The following GALNTL6 variants were observed in gnomAD, a reference collection of about 807,000 sequenced individuals.
GALNTL6 encodes polypeptide N-acetylgalactosaminyltransferase like 6, also known as polypeptide N-acetylgalactosaminyltransferase-like 6.
A neutral mutation model predicts 73.7 loss-of-function variants in GALNTL6; 46 were observed. The ratio of observed to expected loss-of-function variants is 0.62; its 90% CI spans 0.49 to 0.80. The LOEUF is 0.80. GALNTL6 is among the 30% of genes least tolerant of loss of function. The pLI is 0.00. For synonymous variants in GALNTL6, 259 were observed against 263.7 expected (o/e 0.98, Z 0.17); for missense variants, 604 against 755.0 (o/e 0.80, Z 2.34).
intron 2 of GALNTL6, among the ~76,000 whole-genome samples, chr4:171,828,049 G>T (rs1425272231): frequency 2.0e-5 from 3 of 152,052 alleles, no homozygotes; most frequent in African/African-American, 7.2e-5. Context: ...AAAGTAAAAA[G>T]ATTATCACAA....
chr4:172,852,324 A>C (rs1250342471), intron 7 of GALNTL6, among the ~76,000 whole-genome samples: 1 of 152,090 alleles, frequency 6.6e-6, no homozygotes, highest in Non-Finnish European at 1.5e-5. Context: ...GTAGCCTCAG[A>C]GTGTTCATTT....
At chr4:172,604,685 T>C (rs751978594) in intron 5 of GALNTL6, among the ~76,000 whole-genome samples, 17 of 152,240 alleles carry the variant, frequency 1.1e-4, no homozygotes, top group Admixed American at 3.9e-4. Context: ...CAGTTCTTAA[T>C]ATTTCCTAGG....
intron 5 of GALNTL6, among the ~76,000 whole-genome samples, chr4:172,717,166 C>G (rs1735157897): frequency 6.6e-6 from 1 of 151,906 alleles, no homozygotes. Context: ...CAAAATAAAG[C>G]CTTAGCCAAA....
intron 5 of GALNTL6, among the ~76,000 whole-genome samples, chr4:172,718,438 C>G (rs911319162): frequency 6.6e-6 from 1 of 151,852 alleles, no homozygotes; most frequent in Non-Finnish European, 1.5e-5. Context: ...TCAAGACCAG[C>G]GTGGGTAACA....
intron 2 of GALNTL6, among the ~76,000 whole-genome samples, chr4:171,906,724 A>G (rs527818525): frequency 6.6e-6 from 1 of 152,344 alleles, no homozygotes; most frequent in East Asian, 1.9e-4. Context: ...TCCTTGATGA[A>G]CATTGATGCA....
chr4:172,889,628 G>A (rs989472209), intron 8 of GALNTL6, among the ~76,000 whole-genome samples: 5 of 152,086 alleles, frequency 3.3e-5, no homozygotes, highest in South Asian at 2.1e-4. Context: ...GTGAATTAGC[G>A]TTTTGATGTG....
intron 2 of GALNTL6, among the ~76,000 whole-genome samples, chr4:171,825,366 A>C (rs1734795303): frequency 6.6e-6 from 1 of 152,122 alleles, no homozygotes; most frequent in Admixed American, 6.6e-5. Flanking sequence ...AAGCTGTGTA[A>C]AATTAAGTGA....
At chr4:172,349,005 T>C (rs1741849519) in intron 5 of GALNTL6, among the ~76,000 whole-genome samples, 1 of 152,214 alleles carries the variant, frequency 6.6e-6, no homozygotes, top group African/African-American at 2.4e-5. Context: ...TAAGTACATA[T>C]GAATGGTAAA....
intron 5 of GALNTL6, among the ~76,000 whole-genome samples, chr4:172,372,202 T>G (rs1742839909): frequency 6.6e-6 from 1 of 152,196 alleles, no homozygotes. Flanking sequence ...TAAGGGGACT[T>G]TGAAGAGATC....
At chr4:172,161,219 A>G (rs764354144) in intron 2 of GALNTL6, among the ~76,000 whole-genome samples, 3 of 151,972 alleles carry the variant, frequency 2.0e-5, no homozygotes, top group Non-Finnish European at 4.4e-5. Context: ...ACCACCATAG[A>G]TATTCACTAA....
chr4:172,751,097 G>A (rs1308518076), intron 5 of GALNTL6, among the ~76,000 whole-genome samples: 1 of 152,136 alleles, frequency 6.6e-6, no homozygotes, highest in Non-Finnish European at 1.5e-5. Context: ...GGCATATGTG[G>A]TTTGTGGTAC....
chr4:172,866,057 C>G, intron 7 of GALNTL6, among the ~76,000 whole-genome samples: 1 of 152,168 alleles, frequency 6.6e-6, no homozygotes, highest in East Asian at 1.9e-4. Flanking sequence ...TCTTCCCATC[C>G]TTACTGCCTT....
intron 5 of GALNTL6, among the ~76,000 whole-genome samples, chr4:172,537,035 G>A (rs1267768721): frequency 6.6e-6 from 1 of 152,138 alleles, no homozygotes; most frequent in Non-Finnish European, 1.5e-5. Context: ...TTTACCCAAT[G>A]CTTGTACCCC....
chr4:171,864,738 C>T (rs1172774641), intron 2 of GALNTL6, among the ~76,000 whole-genome samples: 2 of 152,198 alleles, frequency 1.3e-5, no homozygotes, highest in Non-Finnish European at 2.9e-5. Flanking sequence ...GGCACTTGTG[C>T]CACTTCCTCC....
At chr4:171,902,384 T>G (rs937578641) in intron 2 of GALNTL6, among the ~76,000 whole-genome samples, 13 of 152,226 alleles carry the variant, frequency 8.5e-5, no homozygotes, top group African/African-American at 2.9e-4. Context: ...GAATGCTGAT[T>G]TCATCATCTT....
At chr4:172,216,055 TAAAC>T (rs1324034945) in intron 2 of GALNTL6, among the ~76,000 whole-genome samples, 3 of 152,190 alleles carry the variant, frequency 2.0e-5, no homozygotes, top group Non-Finnish European at 2.9e-5. Flanking sequence ...AATATTACTT[TAAAC>T]AAACCATTAT....
At chr4:172,156,786 G>T (rs1358022593) in intron 2 of GALNTL6, among the ~76,000 whole-genome samples, 1 of 151,658 alleles carries the variant, frequency 6.6e-6, no homozygotes, top group Non-Finnish European at 1.5e-5. Context: ...ATGGGGTGCG[G>T]GGGAAGCCTC....
chr4:172,892,781 A>G (rs932127951), intron 8 of GALNTL6, among the ~76,000 whole-genome samples: 3 of 152,020 alleles, frequency 2.0e-5, no homozygotes, highest in African/African-American at 7.2e-5. Context: ...GCCCTTTTCA[A>G]TTATTGGTGT....
At chr4:172,572,451 A>G (rs1295057784) in intron 5 of GALNTL6, among the ~76,000 whole-genome samples, 1 of 152,218 alleles carries the variant, frequency 6.6e-6, no homozygotes, top group African/African-American at 2.4e-5. Flanking sequence ...CACAACAAGT[A>G]GGTTAATATA....
Sources: gnomAD v4.1 joint callset for allele counts (sites outside exome capture counted in the v4.1 genomes callset) on GRCh38, gnomAD v4.1.1 for gene constraint, MANE v1.5 for transcripts, NCBI Gene and HGNC (gene_info 2026-07-23, HGNC 2026-07-21) for gene names.